MCM3: variants seen among roughly 807,000 people sequenced by gnomAD.
The protein encoded by MCM3 is DNA replication licensing factor MCM3.
Under a neutral mutation model 91.3 loss-of-function variants are expected in MCM3, and 59 were observed. The ratio of observed to expected loss-of-function variants is 0.65; its 90% CI spans 0.52 to 0.80. The LOEUF (loss-of-function observed/expected upper bound fraction) is 0.80. Ranked by LOEUF, MCM3 falls within the 30% of genes least tolerant of loss-of-function variation. The pLI, the probability that MCM3 is intolerant of heterozygous loss-of-function variation, is 0.00. For missense variants in MCM3, 919 were observed against 1,035.4 expected, an observed-to-expected ratio of 0.89 and a Z score of 1.54; for synonymous variants, 383 against 379.6, an observed-to-expected ratio of 1.01 and a Z score of -0.10.
At chr6:52,265,024 G>A (rs1223772227) in intron 16 of MCM3, among the ~76,000 whole-genome samples, 1 of 152,120 alleles carries the variant, frequency 6.6e-6, no homozygotes, top group East Asian at 1.9e-4. Flanking sequence ...ATAGTAACCC[G>A]GTCAGCGTCA....
rs751702949 is a variant in MCM3, at chr6:52,269,104, C to G, written c.1950G>C (p.Gln650His). The G allele has an allele frequency of 3.1e-6, 5 of 1,613,498 alleles. No homozygotes were observed. Among genetic ancestry groups the G allele is most frequent in the Non-Finnish European group, 4.2e-6 (5 of 1,179,624 alleles). The change falls in exon 13 of 17, where the codon CAG (glutamine) becomes CAC (histidine). Residue 650 changes from glutamine (Q) to histidine (H), a missense_variant. Physicochemically the swap from Gln to His is conservative, Grantham distance 24 (BLOSUM62 0). Around this residue, in one of 3 missense-constraint regions of MCM3, gnomAD observed 285 missense variants for 311.4 expected, o/e 0.92. Coordinates refer to ENST00000596288, the MANE Select transcript of MCM3 (RefSeq NM_002388.6). ...TCCTCACCTTCTTAAAGTAAGCATACTGGACCAACTCCACAGCTTCCTCTG... is the reference window on the plus strand; with the variant it reads ...TCCTCACCTTCTTAAAGTAAGCATAGTGGACCAACTCCACAGCTTCCTCTG... ...QDAEEAVELV[Q>H]YAYFKKVLEK... is the part of the protein sequence containing the mutation.
At chr6:52,279,830 A>G (rs1295662958) in intron 4 of MCM3, among the ~76,000 whole-genome samples, 1 of 152,218 alleles carries the variant, frequency 6.6e-6, no homozygotes, top group Admixed American at 6.5e-5. Flanking sequence ...ATCTAAATTA[A>G]GATTCTTACT....
chr6:52,273,791 A>G lies in MCM3; in HGVS notation c.1500T>C (p.His500=), dbSNP rs1765335713. Residue 500 remains histidine, a synonymous_variant, in exon 10 of 17, where the codon CAT becomes CAC. Transcript: ENST00000596288. ...CTCTGTAACGGTGCATCCGAAGGAC[A>G]TGGTCTGAGATCTCCCGATCCTGCT... ...DPEQDREISD[H]VLRMHRYRAP... The G allele has an allele frequency of 3.7e-6, 6 of 1,613,892 alleles. No homozygotes were observed. The highest frequency in any genetic ancestry group is 2.7e-5 in the African/African-American group (2 of 74,920).
At chr6:52,278,084 A>AG (rs1194195802) in intron 6 of MCM3, among the ~76,000 whole-genome samples, 1 of 150,594 alleles carries the variant, frequency 6.6e-6, no homozygotes, top group East Asian at 1.9e-4. Context: ...AAAAAAAAAA[A>AG]AAAAAAAAAA....
Position 52,264,581 on chromosome 6 carries a change from GGCCTCCTCAGATGAGGAAGAT to G in MCM3, c.2413_*6del. 1.9e-6 allele frequency: 3 copies of G among 1,613,442 alleles called. No individual in the cohort carries two copies. The highest frequency in any genetic ancestry group is 2.5e-6 in the Non-Finnish European group (3 of 1,179,408). On this transcript the variant is annotated stop_lost and 3_prime_UTR_variant, in exon 17 of 17. Transcript: ENST00000596288. ...CGGCACAACCCAAGTTCAGAGACGA[GGCCTCCTCAGATGAGGAAGAT>G]GATGCCCTCAGACACCATGACCTGA...
In MCM3 at chr6:52,277,389, CAAAA is replaced by C; in HGVS notation, c.1033+142_1033+145del. 4.9e-6 allele frequency: 4 copies of C among 817,224 alleles called. No homozygotes were observed. The South Asian group carries it at 6.4e-5, about 13-fold the overall frequency. 50.6% of individuals were successfully genotyped at this position (817,224 alleles called of 1,614,324 possible). ...TATAAATCAGGAATTCCAGAGATGA[CAAAA>C]AAAAAAAAGATTCATTTTAGCCTTT... On this transcript the variant is annotated intron_variant, in intron 7 of 16. Coordinates refer to ENST00000596288, the MANE Select transcript of MCM3 (RefSeq NM_002388.6).
chr6:52,273,542 T>C (rs561806891), intron 10 of MCM3, among the ~76,000 whole-genome samples, 186 bp from the exon 11 acceptor site: 2 of 152,234 alleles, frequency 1.3e-5, no homozygotes, highest in African/African-American at 2.4e-5. Context: ...TGCTCAGTTA[T>C]TCCCAGACCC....
chr6:52,281,828 T>C (rs1320372342), intron 4 of MCM3, among the ~76,000 whole-genome samples: 3 of 152,220 alleles, frequency 2.0e-5, no homozygotes, highest in East Asian at 1.9e-4. Flanking sequence ...TTAGGCAACA[T>C]AGGAGAACCT....
chr6:52,267,987 T>C lies in MCM3; in HGVS notation c.1969-19A>G. 2 of 1,614,006 alleles carry C rather than the reference T, an allele frequency of 1.2e-6. No individual in the cohort carries two copies. Among genetic ancestry groups the C allele is most frequent in the South Asian group, 1.1e-5 (1 of 91,082 alleles). Reference sequence around the variant, plus strand: ...CCAGAACCTAAGACCAAGGCAAGTGTGGCTGGGCTAGAGGGGTCACTGATG... The same window carrying C: ...CCAGAACCTAAGACCAAGGCAAGTGCGGCTGGGCTAGAGGGGTCACTGATG... On this transcript the variant is annotated intron_variant, in intron 13 of 16. Transcript: ENST00000596288.
intron 13 of MCM3, among the ~76,000 whole-genome samples, chr6:52,268,416 G>A (rs780743695): frequency 5.9e-5 from 9 of 151,862 alleles, no homozygotes; most frequent in Non-Finnish European, 1.0e-4. Flanking sequence ...CCTTAACCTA[G>A]CAAAAAGTGA....
In MCM3 at chr6:52,279,586, T is replaced by C. The variant is rs1211001745; in HGVS notation, c.545A>G (p.Asn182Ser). ...AAGGCCATATTCTGTCTCAAGGGGA[T>C]TGTTCTCCTCATCCTAGAAAAAGGC... is the stretch of plus-strand genomic sequence containing the variant. Reference protein sequence around the residue: ...SVYPTKDEENNPLETEYGLSV... With the variant: ...SVYPTKDEENSPLETEYGLSV... Residue 182 changes from asparagine to serine, a missense_variant, in exon 5 of 17, where the codon AAT becomes AGT. Physicochemically the swap from Asn to Ser is conservative, Grantham distance 46. This residue lies in a region of MCM3 where 401 missense variants were observed against 402.7 expected (regional missense o/e 1.00). Transcript: ENST00000596288. The C allele has an allele frequency of 1.9e-6, 3 of 1,612,982 alleles. No individual in the cohort carries two copies. Among genetic ancestry groups the C allele is most frequent in the South Asian group, 2.2e-5 (2 of 91,030 alleles).
At chr6:52,283,507 A>C (rs1418301499) in intron 1 of MCM3, 101 bp from the exon 2 acceptor site, 1 of 810,156 alleles carries the variant, frequency 1.2e-6, no homozygotes, top group Non-Finnish European at 2.2e-6. Flanking sequence ...CAATCTCTGC[A>C]GCAGAGCTGA....
chr6:52,284,471 G>A, intron 1 of MCM3, 126 bp downstream of exon 1: 1 of 786,896 alleles, frequency 1.3e-6, no homozygotes, highest in South Asian at 1.8e-5. Context: ...TGGGGCTGGA[G>A]GCTCGGGCCC....
At position 52,276,612 on chromosome 6, in the gene MCM3, CT is replaced by C; in HGVS notation, c.1166-137del. ...GCAATGGTGTGTTGGCTCCGAGAAACTTAGAGGAAACCCTGGTGGGTCACCT... is the reference window on the plus strand; with the variant it reads ...GCAATGGTGTGTTGGCTCCGAGAAACTAGAGGAAACCCTGGTGGGTCACCT... On this transcript the variant is annotated intron_variant, in intron 8 of 16. Transcript: ENST00000596288. 2.8e-6 allele frequency: 2 copies of C among 722,238 alleles called. 1 individual carries two copies. Among genetic ancestry groups the C allele is most frequent in the Middle Eastern group, 7.4e-4 (2 of 2,712 alleles). The allele number at this position is 722,238 out of a possible 1,614,324, so 44.7% of individuals were successfully genotyped here.
intron 4 of MCM3, among the ~76,000 whole-genome samples, chr6:52,280,359 AAC>A (rs1765979734): frequency 6.6e-6 from 1 of 152,252 alleles, no homozygotes; most frequent in African/African-American, 2.4e-5. Flanking sequence ...ATTTTCTAAA[AAC>A]ACAGTTGTCA....
chr6:52,279,503 C>G lies in MCM3; in HGVS notation c.628G>C (p.Ala210Pro). The change falls in exon 5 of 17, where the codon GCC (alanine) becomes CCC (proline). Residue 210 changes from alanine to proline, a missense_variant. By Grantham distance (27) the Ala-to-Pro change is conservative. Transcript: ENST00000596288. ...TIQEMPEKAP[A>P]GQLPRSVDVI... ...TCCACAGAGCGGGGGAGCTGGCCGG[C>G]TGGGGCCTTCTCCGGCATCTCCTGG... 6.2e-7 allele frequency: 1 copy of G among 1,614,156 alleles called. No individual in the cohort carries two copies. The highest frequency in any genetic ancestry group is 1.1e-5 in the South Asian group (1 of 91,078).
At position 52,264,036 on chromosome 6, in the gene MCM3, G is replaced by C. The variant is rs1764448495; in HGVS notation, c.*552C>G. On this transcript the variant is annotated 3_prime_UTR_variant, in exon 17 of 17. Coordinates refer to ENST00000596288, the MANE Select transcript of MCM3 (RefSeq NM_002388.6). The stretch of plus-strand genomic sequence containing the variant: ...AAGACCATGTGTACGAAATGGCTAA[G>C]TTTATTCAACATCTCGGATATTCAT... 2 of 158,054 alleles carry C rather than the reference G, an allele frequency of 1.3e-5. No individual in the cohort carries two copies. Among genetic ancestry groups the C allele is most frequent in the African/African-American group, 4.8e-5 (2 of 41,458 alleles). The allele number at this position is 158,054 out of a possible 1,614,324, so 9.8% of individuals were successfully genotyped here.
Position 52,283,292 on chromosome 6 carries a change from ACCGGTTAG to A in MCM3, c.185_191+1del. The A allele has an allele frequency of 6.2e-7, 1 of 1,613,554 alleles. No homozygotes were observed. The highest frequency in any genetic ancestry group is 8.5e-7 in the Non-Finnish European group (1 of 1,179,496). On this transcript the variant is annotated splice_donor_variant and coding_sequence_variant, in exon 2 of 17. Transcript: ENST00000596288. LOFTEE classifies it high-confidence loss of function. ...CAGCCAGTATATCCCCTTGCCTCTC[ACCGGTTAG>A]CCCTCTTCTCGTTTTTCCTGCGCAG...
intron 8 of MCM3, 109 bp from the exon 9 acceptor site, chr6:52,276,585 C>A: frequency 2.1e-6 from 2 of 931,676 alleles, no homozygotes; most frequent in Non-Finnish European, 3.2e-6. Flanking sequence ...CGTGAGAATG[C>A]GGCAATGGTG....
Sources: allele counts gnomAD v4.1 joint callset (sites outside exome capture counted in the v4.1 genomes callset), GRCh38; gene constraint gnomAD v4.1.1; regional missense constraint gnomAD v4.1.1; transcripts MANE v1.5; gene names NCBI Gene and HGNC (gene_info 2026-07-23, HGNC 2026-07-21).